Variants in GRIP1 observed in about 807,000 individuals in gnomAD.
GRIP1 encodes the protein glutamate receptor-interacting protein 1.
A neutral mutation model predicts 129.9 loss-of-function variants in GRIP1; 45 were observed. That is an observed-to-expected ratio of 0.35 (90% CI 0.27 to 0.44). The LOEUF (loss-of-function observed/expected upper bound fraction) is 0.44. GRIP1 is among the 20% of genes least tolerant of loss of function. The pLI is 1.00. For synonymous variants in GRIP1, 530 were observed against 520.8 expected (o/e 1.02, Z -0.24); for missense variants, 1,196 against 1,396.8 (o/e 0.86, Z 2.29).
upstream of GRIP1, among the ~76,000 whole-genome samples, chr12:66,682,868 T>G (rs1330769779): frequency 6.6e-6 from 1 of 152,204 alleles, no homozygotes; most frequent in African/African-American, 2.4e-5. Flanking sequence ...TTTCTTCAAC[T>G]TCATAAATCT....
chr12:66,625,469 T>A (rs1415719640), intron 1 of GRIP1, among the ~76,000 whole-genome samples: 1 of 152,180 alleles, frequency 6.6e-6, no homozygotes, highest in African/African-American at 2.4e-5. Flanking sequence ...AGGGACTCAA[T>A]AAAGTAATAA....
intron 1 of GRIP1, among the ~76,000 whole-genome samples, chr12:67,008,834 A>T (rs532344099): frequency 2.6e-5 from 4 of 152,226 alleles, no homozygotes; most frequent in African/African-American, 4.8e-5. Context: ...CTTAGTAATA[A>T]TTTTTTTAAA....
At chr12:66,520,790 G>A (rs7294923) in intron 5 of GRIP1, among the ~76,000 whole-genome samples, 28,483 of 151,968 alleles carry the variant, frequency 0.19, 3,055 homozygotes, top group East Asian at 0.42. Context: ...AATTTGATTC[G>A]CTATTGACTA....
At chr12:66,981,533 G>A (rs2042242705) in intron 1 of GRIP1, among the ~76,000 whole-genome samples, 1 of 152,058 alleles carries the variant, frequency 6.6e-6, no homozygotes, top group Non-Finnish European at 1.5e-5. Context: ...TAATCAAAGT[G>A]ACATAAAGGA....
chr12:66,885,515 C>T (rs2040551064), intron 1 of GRIP1, among the ~76,000 whole-genome samples: 1 of 152,164 alleles, frequency 6.6e-6, no homozygotes, highest in Non-Finnish European at 1.5e-5. Context: ...AATTCAGCAC[C>T]AGGAAAAAGC....
At chr12:67,008,958 C>T (rs1413351977) in intron 1 of GRIP1, among the ~76,000 whole-genome samples, 1 of 152,024 alleles carries the variant, frequency 6.6e-6, no homozygotes, top group Non-Finnish European at 1.5e-5. Flanking sequence ...CACAAAAGTA[C>T]ACTATAAGAA....
chr12:66,711,117 G>A (rs1177403277), intron 1 of GRIP1, among the ~76,000 whole-genome samples: 1 of 151,850 alleles, frequency 6.6e-6, no homozygotes, highest in Admixed American at 6.6e-5. Flanking sequence ...TTAGAGCTCA[G>A]ATGCATAACC....
chr12:66,365,979 A>G (rs1399803680), intron 23 of GRIP1, among the ~76,000 whole-genome samples: 1 of 152,242 alleles, frequency 6.6e-6, no homozygotes, highest in Admixed American at 6.5e-5. Flanking sequence ...TGGCTAATGC[A>G]TGGCAAGCGA....
At chr12:66,434,286 C>T (rs980652591) in intron 13 of GRIP1, among the ~76,000 whole-genome samples, 1 of 152,142 alleles carries the variant, frequency 6.6e-6, no homozygotes, top group Non-Finnish European at 1.5e-5. Context: ...CTCCCTCCTT[C>T]GCTCTGGTTT....
intron 1 of GRIP1, among the ~76,000 whole-genome samples, chr12:66,779,239 G>C (rs1394549282): frequency 6.6e-6 from 1 of 152,054 alleles, no homozygotes; most frequent in East Asian, 1.9e-4. Context: ...TTTACTATCT[G>C]ACAAACCACA....
At chr12:66,511,452 G>A (rs1232149334) in intron 7 of GRIP1, among the ~76,000 whole-genome samples, 1 of 152,088 alleles carries the variant, frequency 6.6e-6, no homozygotes, top group African/African-American at 2.4e-5. Context: ...GTCTTAAAAT[G>A]GCACCTATTA....
intron 20 of GRIP1, among the ~76,000 whole-genome samples, chr12:66,378,415 G>C (rs1054000766): frequency 5.3e-5 from 8 of 151,532 alleles, no homozygotes; most frequent in African/African-American, 1.9e-4. Context: ...TCATACCACT[G>C]CACTCCAGCC....
At chr12:66,599,666 G>C (rs1292696313) in intron 1 of GRIP1, among the ~76,000 whole-genome samples, 1 of 152,096 alleles carries the variant, frequency 6.6e-6, no homozygotes, top group Non-Finnish European at 1.5e-5. Flanking sequence ...AGAGTGTCCA[G>C]GGTGCATTTC....
intron 1 of GRIP1, among the ~76,000 whole-genome samples, chr12:66,733,991 T>C (rs2136513337): frequency 6.6e-6 from 1 of 151,954 alleles, no homozygotes; most frequent in Middle Eastern, 3.4e-3. Context: ...AGGAGAGAGG[T>C]GGTTTTCTAC....
chr12:66,841,618 T>A (rs2039718028), intron 1 of GRIP1, among the ~76,000 whole-genome samples: 1 of 152,156 alleles, frequency 6.6e-6, no homozygotes, highest in Admixed American at 6.5e-5. Context: ...ATGAGCTCAG[T>A]CTCCTGCCTT....
chr12:66,775,244 A>T (rs1245157703), intron 1 of GRIP1, among the ~76,000 whole-genome samples: 4 of 152,294 alleles, frequency 2.6e-5, no homozygotes, highest in Admixed American at 2.6e-4. Flanking sequence ...AAGCCTGAAA[A>T]ACAAGCTGAA....
chr12:67,038,463 A>C (rs1316670360), intron 1 of GRIP1, among the ~76,000 whole-genome samples: 1 of 152,212 alleles, frequency 6.6e-6, no homozygotes, highest in Non-Finnish European at 1.5e-5. Flanking sequence ...CATTGATATA[A>C]AATCATCTGA....
At chr12:66,643,904 T>C (rs1294880848) in intron 1 of GRIP1, among the ~76,000 whole-genome samples, 1 of 152,158 alleles carries the variant, frequency 6.6e-6, no homozygotes, top group Non-Finnish European at 1.5e-5. Flanking sequence ...GAAATTGTCT[T>C]GCCATATGTA....
intron 11 of GRIP1, among the ~76,000 whole-genome samples, chr12:66,445,859 T>C (rs889496244): frequency 6.6e-6 from 1 of 152,156 alleles, no homozygotes; most frequent in Non-Finnish European, 1.5e-5. Context: ...TTTTGTCTCT[T>C]TGTGTGTCTA....
Sources: gnomAD v4.1 joint callset for allele counts (sites outside exome capture counted in the v4.1 genomes callset) on GRCh38, gnomAD v4.1.1 for gene constraint, MANE v1.5 for transcripts, NCBI Gene and HGNC (gene_info 2026-07-23, HGNC 2026-07-21) for gene names.